The following ZC3H6 variants were observed in gnomAD, a reference collection of about 807,000 sequenced individuals.
ZC3H6 encodes zinc finger CCCH-type containing 6.
ZC3H6 carries 40 observed loss-of-function variants against 107.7 expected under a neutral mutation model. The ratio of observed to expected loss-of-function variants is 0.37; its 90% CI spans 0.29 to 0.48. The LOEUF (loss-of-function observed/expected upper bound fraction) is 0.48. Among genes scored for constraint, ZC3H6 ranks in the 20% least tolerant of loss-of-function variants. ZC3H6 has a pLI of 0.98. For missense variants in ZC3H6, 1,267 were observed against 1,410.4 expected (o/e 0.90, Z 1.63); for synonymous variants, 493 against 487.9 (o/e 1.01, Z -0.14).
chr2:112,299,358 G>A lies in ZC3H6; in HGVS notation c.33-491G>A, dbSNP rs370922883. ...CCAACTGGATCCTAGATCCTCTTTC[G>A]CCAAGGGCAGCCCATTCTTGGTTCT... is the stretch of plus-strand genomic sequence containing the variant. On this transcript the variant is annotated intron_variant, in intron 1 of 11. Coordinates refer to ENST00000409871, the MANE Select transcript of ZC3H6 (RefSeq NM_198581.3). Among the ~76,000 whole-genome samples, 16 of 151,620 alleles carry A rather than the reference G, an allele frequency of 1.1e-4. No homozygotes were observed. In the South Asian group the frequency reaches 1.7e-3, roughly 16 times the overall value.
At position 112,324,279 on chromosome 2, in the gene ZC3H6, A is replaced by G. The variant is rs1156475134; in HGVS notation, c.1468A>G (p.Ser490Gly). 1.9e-6 allele frequency: 3 copies of G among 1,613,884 alleles called. No homozygotes were observed. In the African/African-American group the frequency reaches 4.0e-5, roughly 22 times the overall value. Residue 490 changes from serine (S) to glycine (G), a missense_variant, in exon 10 of 12, where the codon AGT becomes GGT. Physicochemically the swap from Ser to Gly is moderately conservative, Grantham distance 56. Around this residue, in one of 3 missense-constraint regions of ZC3H6, gnomAD observed 925 missense variants for 1,025.7 expected, o/e 0.90. Transcript: ENST00000409871. ...GPGPNMSQGH[S>G]SPVMHPGSPG... Reference sequence around the variant, plus strand: ...TGGACCTAACATGTCTCAGGGACACAGTAGTCCTGTGATGCACCCAGGCTC... The same window carrying G: ...TGGACCTAACATGTCTCAGGGACACGGTAGTCCTGTGATGCACCCAGGCTC...
intron 7 of ZC3H6, among the ~76,000 whole-genome samples, chr2:112,318,776 C>A (rs574733588): frequency 6.6e-6 from 1 of 152,222 alleles, no homozygotes; most frequent in South Asian, 2.1e-4. Flanking sequence ...TAGACCTGGG[C>A]AGTGATTACT....
rs901496322 is a variant in ZC3H6, at chr2:112,335,604, T to C, written c.*3116T>C. On this transcript the variant is annotated 3_prime_UTR_variant, in exon 12 of 12. Coordinates refer to ENST00000409871, the MANE Select transcript of ZC3H6 (RefSeq NM_198581.3). ...AGAATGAATTATTTTTGTAAAGTAT[T>C]TGTAAATATAAAATTGCTTTATAAC... is the stretch of plus-strand genomic sequence containing the variant. 1 of 152,140 alleles carries C rather than the reference T, an allele frequency of 6.6e-6. No homozygotes were observed. Among genetic ancestry groups the C allele is most frequent in the Non-Finnish European group, 1.5e-5 (1 of 68,024 alleles). The allele number at this position is 152,140 out of a possible 1,614,324, so 9.4% of individuals were successfully genotyped here. A position where few individuals can be genotyped will look rare whatever the true frequency, so the allele number is the denominator to read the frequency against.
chr2:112,308,194 A>G (rs1452523539), intron 3 of ZC3H6, among the ~76,000 whole-genome samples: 1 of 152,118 alleles, frequency 6.6e-6, no homozygotes, highest in Admixed American at 6.5e-5. Flanking sequence ...TAGACTAAGA[A>G]TGGAGTTCAT....
At chr2:112,321,579 G>T (rs1573963069) in intron 7 of ZC3H6, among the ~76,000 whole-genome samples, 177 bp from the exon 8 acceptor site, 1 of 151,916 alleles carries the variant, frequency 6.6e-6, no homozygotes, top group South Asian at 2.1e-4. Context: ...CACTTAGCAT[G>T]AGTTCTACTC....
chr2:112,334,840 T>C lies in ZC3H6; in HGVS notation c.*2352T>C, dbSNP rs1677112798. 6.6e-6 allele frequency: 1 copy of C among 152,600 alleles called. No individual in the cohort carries two copies. Among genetic ancestry groups the C allele is most frequent in the Non-Finnish European group, 1.5e-5 (1 of 68,006 alleles). 9.5% of individuals were successfully genotyped at this position (152,600 alleles called of 1,614,324 possible). ...ATGAATACCTCTTCTTTTAGGTCAA[T>C]TGGTGTTTTTAGAATCCATGTAATT... On this transcript the variant is annotated 3_prime_UTR_variant, in exon 12 of 12. Coordinates refer to ENST00000409871, the MANE Select transcript of ZC3H6 (RefSeq NM_198581.3).
At chr2:112,306,164 G>A (rs1202386166) in intron 3 of ZC3H6, among the ~76,000 whole-genome samples, 3 of 145,010 alleles carry the variant, frequency 2.1e-5, no homozygotes, top group Non-Finnish European at 4.5e-5. Context: ...TATATCTGAA[G>A]TCTGTATTTC....
At chr2:112,279,059 A>G (rs1686478712) in intron 1 of ZC3H6, among the ~76,000 whole-genome samples, 1 of 152,250 alleles carries the variant, frequency 6.6e-6, no homozygotes, top group African/African-American at 2.4e-5. Flanking sequence ...GATGTTATTA[A>G]TATAAAAATA....
At chr2:112,313,809 G>A (rs1435015746) in intron 5 of ZC3H6, among the ~76,000 whole-genome samples, 1 of 152,086 alleles carries the variant, frequency 6.6e-6, no homozygotes, top group Admixed American at 6.5e-5. Context: ...ATCCGTCTCT[G>A]TCCTAGGCCT....
At chr2:112,279,192 C>T (rs1686481860) in intron 1 of ZC3H6, among the ~76,000 whole-genome samples, 1 of 152,252 alleles carries the variant, frequency 6.6e-6, no homozygotes, top group East Asian at 1.9e-4. Context: ...TCTGGTCTCT[C>T]GTCGTTCAGT....
intron 1 of ZC3H6, among the ~76,000 whole-genome samples, chr2:112,290,304 A>G (rs1221669444): frequency 6.6e-6 from 1 of 152,216 alleles, no homozygotes. Flanking sequence ...TTCTGCACAG[A>G]AGTTTTGCTC....
chr2:112,324,515 C>G lies in ZC3H6; in HGVS notation c.1704C>G (p.His568Gln). Residue 568 changes from histidine to glutamine, a missense_variant, in exon 10 of 12, where the codon CAC becomes CAG. Coordinates refer to ENST00000409871, the MANE Select transcript of ZC3H6 (RefSeq NM_198581.3). ...GHVMKVPREN[H>Q]CSPGSSYQQS... ...TGATGAAAGTACCCAGAGAGAATCA[C>G]TGTTCTCCAGGTTCATCATACCAGC... is the stretch of plus-strand genomic sequence containing the variant. The G allele has an allele frequency of 6.2e-7, 1 of 1,613,212 alleles. No individual in the cohort carries two copies. Among genetic ancestry groups the G allele is most frequent in the East Asian group, 2.2e-5 (1 of 44,842 alleles).
chr2:112,324,745 G>A, intron 10 of ZC3H6, 82 bp downstream of exon 10: 1 of 1,356,152 alleles, frequency 7.4e-7, no homozygotes. Flanking sequence ...AGAAACGTAA[G>A]TTTTAAGTAA....
intron 1 of ZC3H6, among the ~76,000 whole-genome samples, chr2:112,285,782 G>A (rs554041836): frequency 4.0e-5 from 6 of 151,680 alleles, no homozygotes; most frequent in Admixed American, 3.9e-4. Context: ...CTAACATGGT[G>A]AAACCCCATC....
At chr2:112,329,326 T>C (rs1391050423) in intron 11 of ZC3H6, among the ~76,000 whole-genome samples, 3 of 152,162 alleles carry the variant, frequency 2.0e-5, no homozygotes, top group Non-Finnish European at 4.4e-5. Context: ...ATAATGCTTA[T>C]AAAATATATT....
In ZC3H6 at chr2:112,309,895, T is replaced by C; in HGVS notation, c.347T>C (p.Ile116Thr). The change falls in exon 4 of 12, where the codon ATA (isoleucine) becomes ACA (threonine). Residue 116 changes from isoleucine to threonine, a missense_variant. Around this residue, in one of 3 missense-constraint regions of ZC3H6, gnomAD observed 337 missense variants for 361.2 expected, o/e 0.93. Transcript: ENST00000409871. ...YDIPFTQRGHISGSYITSKKG... is the reference protein window; with the variant it reads ...YDIPFTQRGHTSGSYITSKKG... ...TCCATTTTCACTTAGCGTGGACATA[T>C]ATCAGGAAGCTACATAACATCAAAG... is the stretch of plus-strand genomic sequence containing the variant. 6.3e-7 allele frequency: 1 copy of C among 1,579,402 alleles called. No homozygotes were observed. Among genetic ancestry groups the C allele is most frequent in the African/African-American group, 1.3e-5 (1 of 74,176 alleles).
intron 11 of ZC3H6, among the ~76,000 whole-genome samples, chr2:112,326,547 C>G (rs1459827238): frequency 6.6e-6 from 1 of 152,164 alleles, no homozygotes; most frequent in South Asian, 2.1e-4. Context: ...GGATCTCATT[C>G]TTCTTATGGC....
chr2:112,277,963 G>C (rs988097969), intron 1 of ZC3H6, among the ~76,000 whole-genome samples: 2 of 152,118 alleles, frequency 1.3e-5, no homozygotes, highest in African/African-American at 4.8e-5. Flanking sequence ...ACCTCAGCCT[G>C]GGTTTTAAGA....
Position 112,311,885 on chromosome 2 carries a change from G to C in ZC3H6, c.695G>C (p.Gly232Ala), listed in dbSNP as rs764687236. Residue 232 changes from glycine (G) to alanine (A), a missense_variant, in exon 5 of 12, where the codon GGA becomes GCA. Physicochemically the swap from Gly to Ala is moderately conservative, Grantham distance 60. Coordinates refer to ENST00000409871, the MANE Select transcript of ZC3H6 (RefSeq NM_198581.3). ...PKKIKRKERG[G>A]RTNKGPNVFS... The stretch of plus-strand genomic sequence containing the variant: ...AAAATCAAACGAAAAGAACGTGGGG[G>C]AAGAACCAATAAAGGGCCTAATGTG... 1 of 1,613,470 alleles carries C rather than the reference G, an allele frequency of 6.2e-7. No individual in the cohort carries two copies. The highest frequency in any genetic ancestry group is 8.5e-7 in the Non-Finnish European group (1 of 1,179,586).
Sources: allele counts gnomAD v4.1 joint callset (sites outside exome capture counted in the v4.1 genomes callset), GRCh38; gene constraint gnomAD v4.1.1; regional missense constraint gnomAD v4.1.1; transcripts MANE v1.5; gene names NCBI Gene and HGNC (gene_info 2026-07-23, HGNC 2026-07-21).